IHO1: variants seen among roughly 807,000 people sequenced by gnomAD.
IHO1 encodes the protein interactor of HORMAD1 protein 1.
Under a neutral mutation model 31.0 loss-of-function variants are expected in IHO1, and 13 were observed. The observed-to-expected ratio is 0.42, with a 90% confidence interval of 0.27 to 0.67. IHO1 has a LOEUF of 0.67. Among genes scored for constraint, IHO1 ranks in the 30% least tolerant of loss-of-function variants. IHO1 has a pLI of 0.24. For missense variants in IHO1, 599 were observed against 687.5 expected, an observed-to-expected ratio of 0.87 and a Z score of 1.44; for synonymous variants, 221 against 248.4, an observed-to-expected ratio of 0.89 and a Z score of 1.04.
intron 2 of IHO1, among the ~76,000 whole-genome samples, chr3:49,223,171 A>G (rs906533158): frequency 6.6e-6 from 1 of 152,220 alleles, no homozygotes; most frequent in South Asian, 2.1e-4. Context: ...ACAGCATTTC[A>G]TATGGACTGA....
intron 2 of IHO1, among the ~76,000 whole-genome samples, chr3:49,221,276 T>G (rs765173940): frequency 6.6e-6 from 1 of 152,160 alleles, no homozygotes; most frequent in Non-Finnish European, 1.5e-5. Flanking sequence ...ATCCTTTAGC[T>G]AGACACAGAG....
intron 2 of IHO1, chr3:49,213,958 G>T: frequency 2.4e-6 from 1 of 420,940 alleles, no homozygotes; most frequent in Non-Finnish European, 4.9e-6. Context: ...GAAGCTCCGA[G>T]AGCAAGCGAG....
At chr3:49,191,888 G>C in the IHO1 span, 1 of 929,798 alleles carries the variant, frequency 1.1e-6, no homozygotes, top group Non-Finnish European at 1.7e-6. Context: ...GGAAGGTTGT[G>C]ACTGCACAAT....
intron 1 of IHO1, among the ~76,000 whole-genome samples, chr3:49,201,122 T>C (rs1399639239): frequency 6.6e-6 from 1 of 151,830 alleles, no homozygotes; most frequent in Admixed American, 6.6e-5. Context: ...GCCTCCCAAG[T>C]AGCTGGGACC....
chr3:49,205,756 C>T (rs541545132), intron 1 of IHO1, among the ~76,000 whole-genome samples: 36 of 143,448 alleles, frequency 2.5e-4, no homozygotes, highest in Admixed American at 1.3e-3. Context: ...TGAGCCACTG[C>T]GCCTGGGCAA....
At chr3:49,247,191 G>T (rs1327436183) in intron 6 of IHO1, among the ~76,000 whole-genome samples, 2 of 151,426 alleles carry the variant, frequency 1.3e-5, no homozygotes, top group Non-Finnish European at 2.9e-5. Flanking sequence ...AGAGAGGCCG[G>T]GCGTGGTGGC....
Position 49,237,887 on chromosome 3 carries a change from C to CTTTTTTTTT in IHO1, c.231+1188_231+1196dup, listed in dbSNP as rs574951773. 2.1e-3 allele frequency among the ~76,000 whole-genome samples: 106 copies of CTTTTTTTTT among 51,442 alleles called. 17 individuals are homozygous for CTTTTTTTTT. The highest frequency in any genetic ancestry group is 2.5e-3 in the Non-Finnish European group (76 of 30,514). The allele number at this position is 51,442 out of a possible 152,430, so 33.7% of individuals were successfully genotyped here. ...TGTTTTGAGATTAACCTGTCTTTTC[C>CTTTTTTTTT]TTTTTTTTTTTTTTTTTTTTTTTTT... On this transcript the variant is annotated intron_variant, in intron 3 of 7. Coordinates refer to ENST00000452691, the MANE Select transcript of IHO1 (RefSeq NM_001135197.2).
intron 4 of IHO1, among the ~76,000 whole-genome samples, chr3:49,241,737 C>T (rs1224738255): frequency 6.6e-6 from 1 of 152,060 alleles, no homozygotes; most frequent in East Asian, 1.9e-4. Flanking sequence ...TCTCCTGCCT[C>T]AGCCTCCTGA....
intron 1 of IHO1, among the ~76,000 whole-genome samples, chr3:49,204,544 T>C (rs946289018): frequency 5.3e-5 from 8 of 152,150 alleles, no homozygotes; most frequent in Non-Finnish European, 8.8e-5. Context: ...GATGAGGAGC[T>C]GTAATCTGAA....
At chr3:49,228,403 G>A (rs1159367321) in intron 2 of IHO1, 38 of 423,910 alleles carry the variant, frequency 9.0e-5, no homozygotes, top group South Asian at 4.8e-4. Flanking sequence ...CAGCGGCCAC[G>A]CTAGTCACTT....
intron 2 of IHO1, among the ~76,000 whole-genome samples, chr3:49,216,220 G>A (rs931876390): frequency 3.9e-5 from 6 of 152,282 alleles, no homozygotes; most frequent in African/African-American, 7.2e-5. Flanking sequence ...ACCAGGATAC[G>A]GAGAAATTGT....
intron 1 of IHO1, chr3:49,200,520 GA>G: frequency 1.5e-6 from 1 of 647,756 alleles, no homozygotes. Context: ...AGAAAGAAAA[GA>G]AAAAAGATTG....
upstream of IHO1, among the ~76,000 whole-genome samples, chr3:49,195,828 G>A (rs2045993381): frequency 6.6e-6 from 1 of 150,948 alleles, no homozygotes; most frequent in Admixed American, 6.6e-5. Context: ...GGGGCCAGGC[G>A]CGGTGGCTAA....
intron 6 of IHO1, among the ~76,000 whole-genome samples, chr3:49,253,057 T>A (rs900769626): frequency 1.3e-4 from 19 of 148,568 alleles, no homozygotes; most frequent in Non-Finnish European, 2.5e-4. Flanking sequence ...AAAAAAATCA[T>A]GTAGGTAGAC....
intron 1 of IHO1, among the ~76,000 whole-genome samples, chr3:49,211,455 AT>A (rs1204973180): frequency 6.6e-6 from 1 of 151,548 alleles, no homozygotes; most frequent in African/African-American, 2.4e-5. Flanking sequence ...TTATTTACTT[AT>A]TTTTTTTGAG....
At chr3:49,204,386 A>T (rs1013389258) in intron 1 of IHO1, among the ~76,000 whole-genome samples, 3 of 152,082 alleles carry the variant, frequency 2.0e-5, no homozygotes, top group Admixed American at 6.6e-5. Context: ...GGATTTTGGT[A>T]TATTGTTGGG....
the IHO1 span, chr3:49,191,580 C>T: frequency 1.3e-6 from 1 of 767,930 alleles, no homozygotes; most frequent in Non-Finnish European, 2.3e-6. Context: ...ACTAGGCAGC[C>T]TCCAGGGGTG....
intron 6 of IHO1, among the ~76,000 whole-genome samples, chr3:49,254,075 C>T (rs2046795653): frequency 6.6e-6 from 1 of 152,164 alleles, no homozygotes; most frequent in South Asian, 2.1e-4. Context: ...CTCAGGTGAT[C>T]TGCCCGCCTC....
At chr3:49,217,705 A>C (rs2046306631) in intron 2 of IHO1, among the ~76,000 whole-genome samples, 2 of 152,092 alleles carry the variant, frequency 1.3e-5, no homozygotes, top group Admixed American at 6.6e-5. Flanking sequence ...GGGAGCCCTG[A>C]GTTTGCTTTC....
Sources: allele counts gnomAD v4.1 joint callset (sites outside exome capture counted in the v4.1 genomes callset), GRCh38; gene constraint gnomAD v4.1.1; transcripts MANE v1.5; gene names NCBI Gene and HGNC (gene_info 2026-07-23, HGNC 2026-07-21).